Variants in TENM2 observed in about 807,000 individuals in gnomAD.
TENM2 encodes the protein teneurin transmembrane protein 2, also known as teneurin-2.
A neutral mutation model predicts 245.2 loss-of-function variants in TENM2; 52 were observed. That is an observed-to-expected ratio of 0.21 (90% confidence interval 0.17 to 0.27). The LOEUF is 0.27. Ranked by LOEUF, TENM2 falls within the 10% of genes least tolerant of loss-of-function variation. The pLI is 1.00. For missense variants in TENM2, 3,046 were observed against 3,666.8 expected, an observed-to-expected ratio of 0.83 and a Z score of 4.37; for synonymous variants, 1,363 against 1,438.9, an observed-to-expected ratio of 0.95 and a Z score of 1.19.
At chr5:167,515,747 G>A (rs1390372442) in intron 2 of TENM2, among the ~76,000 whole-genome samples, 1 of 134,536 alleles carries the variant, frequency 7.4e-6, no homozygotes, top group African/African-American at 2.8e-5. Flanking sequence ...CTCACTGCAA[G>A]CTCCACCCTC....
At chr5:167,110,317 T>A in the TENM2 span, among the ~76,000 whole-genome samples, 1 of 152,216 alleles carries the variant, frequency 6.6e-6, no homozygotes, top group South Asian at 2.1e-4. Context: ...GTACAAGGGC[T>A]GGAGACATGC....
chr5:167,363,967 A>AT (rs1759882811), intron 1 of TENM2, among the ~76,000 whole-genome samples: 1 of 152,118 alleles, frequency 6.6e-6, no homozygotes, highest in African/African-American at 2.4e-5. Context: ...AGTTTAGTAC[A>AT]TAACAGTGAA....
the TENM2 span, among the ~76,000 whole-genome samples, chr5:167,000,333 A>T: frequency 0.26 from 39,460 of 152,092 alleles, 7,890 homozygotes; most frequent in African/African-American, 0.55. Context: ...ATTGCAATTA[A>T]TCAGGGATTT....
chr5:167,422,717 C>T (rs1406658182), intron 2 of TENM2, among the ~76,000 whole-genome samples: 1 of 152,072 alleles, frequency 6.6e-6, no homozygotes, highest in Non-Finnish European at 1.5e-5. Context: ...AGTGTGTAAT[C>T]CCTTAACGTA....
At chr5:167,010,863 T>A in the TENM2 span, among the ~76,000 whole-genome samples, 5 of 152,222 alleles carry the variant, frequency 3.3e-5, no homozygotes, top group Non-Finnish European at 7.3e-5. Flanking sequence ...CAATAGAAGA[T>A]GATCAACAAA....
chr5:167,750,201 C>T (rs780803319), intron 2 of TENM2, among the ~76,000 whole-genome samples: 2 of 152,164 alleles, frequency 1.3e-5, no homozygotes, highest in African/African-American at 2.4e-5. Context: ...GAGGAGCTGG[C>T]ACACAGTAGG....
chr5:167,082,786 A>C, the TENM2 span, among the ~76,000 whole-genome samples: 2 of 152,132 alleles, frequency 1.3e-5, no homozygotes, highest in African/African-American at 4.8e-5. Context: ...TTTAAAAATT[A>C]ATTTATTTTT....
At chr5:167,327,044 C>CT (rs1334893497) in intron 1 of TENM2, among the ~76,000 whole-genome samples, 1 of 152,162 alleles carries the variant, frequency 6.6e-6, no homozygotes, top group East Asian at 1.9e-4. Context: ...TATTATTATA[C>CT]TTTAAGTTTT....
At chr5:167,942,773 T>A (rs1779291407) in intron 3 of TENM2, among the ~76,000 whole-genome samples, 1 of 152,150 alleles carries the variant, frequency 6.6e-6, no homozygotes, top group Non-Finnish European at 1.5e-5. Flanking sequence ...CTGATTTATT[T>A]TAATTGGGAG....
intron 2 of TENM2, among the ~76,000 whole-genome samples, chr5:167,845,239 C>CCACACA (rs55784312): frequency 7.1e-4 from 69 of 96,986 alleles, no homozygotes; most frequent in Middle Eastern, 5.6e-3. Context: ...CCCTCCCGCG[C>CCACACA]CACACACACA....
At chr5:168,219,093 G>T in intron 23 of TENM2, 94 bp downstream of exon 25, 1 of 1,267,046 alleles carries the variant, frequency 7.9e-7, no homozygotes, top group Non-Finnish European at 1.1e-6. Context: ...AAATTGCTTT[G>T]TCACGTTGTC....
intron 23 of TENM2, among the ~76,000 whole-genome samples, chr5:168,225,784 A>C (rs1247019774): frequency 6.6e-6 from 1 of 151,902 alleles, no homozygotes; most frequent in Non-Finnish European, 1.5e-5. Context: ...AAAAAAGAAA[A>C]GAAACAGAAA....
At chr5:167,575,623 A>G (rs1238636609) in intron 2 of TENM2, among the ~76,000 whole-genome samples, 2 of 152,138 alleles carry the variant, frequency 1.3e-5, no homozygotes, top group Non-Finnish European at 2.9e-5. Context: ...GGGTCTGATC[A>G]TACTTCATCA....
At chr5:168,074,110 G>T (rs1791256204) in intron 7 of TENM2, among the ~76,000 whole-genome samples, 1 of 152,152 alleles carries the variant, frequency 6.6e-6, no homozygotes, top group Admixed American at 6.6e-5. Context: ...AAGGGCTGCT[G>T]GAATGTGCCA....
intron 2 of TENM2, among the ~76,000 whole-genome samples, chr5:167,537,735 G>A (rs1582324453): frequency 6.6e-6 from 1 of 152,180 alleles, no homozygotes; most frequent in African/African-American, 2.4e-5. Flanking sequence ...AGCCATAGAC[G>A]CTCCTTGGGG....
chr5:166,987,652 G>A, the TENM2 span, among the ~76,000 whole-genome samples: 1 of 152,046 alleles, frequency 6.6e-6, no homozygotes, highest in Non-Finnish European at 1.5e-5. Flanking sequence ...TCACATCTGG[G>A]TTTCAGAGTA....
the TENM2 span, among the ~76,000 whole-genome samples, chr5:167,118,850 CCT>C: frequency 6.6e-6 from 1 of 152,072 alleles, no homozygotes. Flanking sequence ...TCGTCCATCC[CCT>C]GTTTATTCTT....
chr5:167,063,307 C>T, the TENM2 span, among the ~76,000 whole-genome samples: 1 of 152,106 alleles, frequency 6.6e-6, no homozygotes. Flanking sequence ...GAACATCCCC[C>T]AAAGCCAAGC....
chr5:167,437,096 C>T (rs550964619), intron 2 of TENM2, among the ~76,000 whole-genome samples: 24 of 152,220 alleles, frequency 1.6e-4, no homozygotes, highest in East Asian at 1.6e-3. Context: ...GTAGATCCAC[C>T]GACAGCTTGT....
Sources: allele counts gnomAD v4.1 joint callset (sites outside exome capture counted in the v4.1 genomes callset), GRCh38; gene constraint gnomAD v4.1.1; transcripts MANE v1.5; gene names NCBI Gene and HGNC (gene_info 2026-07-23, HGNC 2026-07-21).